TMEM163: variants seen among roughly 807,000 people sequenced by gnomAD.
TMEM163 encodes transmembrane protein 163.
A neutral mutation model predicts 29.3 loss-of-function variants in TMEM163; 17 were observed. The ratio of observed to expected loss-of-function variants is 0.58; its 90% CI spans 0.40 to 0.87. The LOEUF (loss-of-function observed/expected upper bound fraction) is 0.87, where lower values mean the gene tolerates loss of function less well. TMEM163 is among the 40% of genes least tolerant of loss of function. The pLI is 0.00. For synonymous variants in TMEM163, 157 were observed against 160.6 expected, an observed-to-expected ratio of 0.98 and a Z score of 0.17; for missense variants, 303 against 381.5, an observed-to-expected ratio of 0.79 and a Z score of 1.71.
At chr2:134,486,775 A>G (rs1449245928) in intron 5 of TMEM163, among the ~76,000 whole-genome samples, 3 of 152,224 alleles carry the variant, frequency 2.0e-5, no homozygotes, top group Non-Finnish European at 4.4e-5. Flanking sequence ...CTTTAGACCA[A>G]TGTTACTTAA....
In TMEM163 at chr2:134,466,183, A is replaced by C. The variant is rs764400746; in HGVS notation, c.598T>G (p.Cys200Gly). ...AACTTCAACACGGCCAGGATGCTGC[A>C]AAGAATCCCACTTAAAATGGAGACA... is the stretch of plus-strand genomic sequence containing the variant. ...FSVSILSGIL[C>G]SILAVLKFML... Residue 200 changes from cysteine (C) to glycine (G), a missense_variant, in exon 6 of 8, where the codon TGC becomes GGC. Cys to Gly is a radical substitution (Grantham distance 159). This residue lies in a region of TMEM163 where 203 missense variants were observed against 294.3 expected (regional missense o/e 0.69). Coordinates refer to ENST00000281924, the MANE Select transcript of TMEM163 (RefSeq NM_030923.5). The C allele has an allele frequency of 1.2e-6, 2 of 1,614,016 alleles. No homozygotes were observed. The highest frequency in any genetic ancestry group is 1.3e-5 in the African/African-American group (1 of 75,066).
intron 5 of TMEM163, chr2:134,467,365 A>G (rs1686694303): frequency 6.6e-6 from 1 of 152,208 alleles, no homozygotes; most frequent in African/African-American, 2.4e-5. Flanking sequence ...TAGCTTACCA[A>G]TGGAGAAACC....
At chr2:134,560,610 G>C (rs1011901851) in intron 2 of TMEM163, among the ~76,000 whole-genome samples, 7 of 152,188 alleles carry the variant, frequency 4.6e-5, no homozygotes, top group African/African-American at 1.7e-4. Flanking sequence ...TGAAGCATTT[G>C]CAAATGGCAA....
intron 2 of TMEM163, among the ~76,000 whole-genome samples, chr2:134,693,647 C>T (rs1025160240): frequency 1.4e-5 from 2 of 147,660 alleles, no homozygotes; most frequent in Non-Finnish European, 3.0e-5. Flanking sequence ...ACTGAGCCTA[C>T]AGCATGATGG....
intron 2 of TMEM163, among the ~76,000 whole-genome samples, chr2:134,632,843 C>T (rs144461427): frequency 0.016 from 2,367 of 149,372 alleles, 51 homozygotes; most frequent in African/African-American, 0.055. Flanking sequence ...CCCGGGTTCA[C>T]GCCATTCTCC....
intron 2 of TMEM163, among the ~76,000 whole-genome samples, chr2:134,606,233 C>G (rs1349270453): frequency 6.6e-6 from 1 of 152,080 alleles, no homozygotes; most frequent in Non-Finnish European, 1.5e-5. Context: ...GCACCTGCCC[C>G]CATGAATCCC....
intron 6 of TMEM163, among the ~76,000 whole-genome samples, chr2:134,461,376 G>A (rs1686531643): frequency 1.3e-5 from 2 of 152,322 alleles, no homozygotes; most frequent in South Asian, 4.1e-4. Flanking sequence ...GATATGAGCA[G>A]GAGAAAACAG....
chr2:134,596,742 T>C (rs1421292463), intron 2 of TMEM163, among the ~76,000 whole-genome samples: 2 of 152,138 alleles, frequency 1.3e-5, no homozygotes, highest in Non-Finnish European at 2.9e-5. Flanking sequence ...TTCCTATCCA[T>C]GAGCATGGAA....
chr2:134,664,369 T>C (rs1683826852), intron 2 of TMEM163, among the ~76,000 whole-genome samples: 1 of 152,120 alleles, frequency 6.6e-6, no homozygotes, highest in Admixed American at 6.5e-5. Flanking sequence ...AGCCCCAGGG[T>C]CTCTGATTCT....
intron 5 of TMEM163, among the ~76,000 whole-genome samples, chr2:134,479,180 G>A (rs1686987851): frequency 6.6e-6 from 1 of 152,198 alleles, no homozygotes; most frequent in African/African-American, 2.4e-5. Context: ...CCCAGTCTAT[G>A]GCATTCGGTG....
chr2:134,685,643 T>C (rs1360825915), intron 2 of TMEM163, among the ~76,000 whole-genome samples: 1 of 152,242 alleles, frequency 6.6e-6, no homozygotes, highest in African/African-American at 2.4e-5. Context: ...CAGCTCCTGC[T>C]TTCCCACTTG....
chr2:134,539,136 G>A (rs1018791049), intron 4 of TMEM163, among the ~76,000 whole-genome samples: 1 of 152,026 alleles, frequency 6.6e-6, no homozygotes, highest in East Asian at 1.9e-4. Flanking sequence ...TTCTTATAAC[G>A]ATCTTACAAA....
chr2:134,591,351 G>T (rs531716202), intron 2 of TMEM163, among the ~76,000 whole-genome samples: 3 of 152,036 alleles, frequency 2.0e-5, no homozygotes, highest in Admixed American at 6.5e-5. Context: ...GCTGGTGGGA[G>T]TGTAGCAGTG....
intron 2 of TMEM163, among the ~76,000 whole-genome samples, chr2:134,613,918 G>A (rs1558965050): frequency 6.6e-6 from 1 of 151,996 alleles, no homozygotes; most frequent in Non-Finnish European, 1.5e-5. Context: ...TTTATTTATA[G>A]GTCTAATTCA....
chr2:134,493,202 CT>C (rs1356029312), intron 5 of TMEM163, among the ~76,000 whole-genome samples: 1 of 151,840 alleles, frequency 6.6e-6, no homozygotes, highest in African/African-American at 2.4e-5. Context: ...CCTTCTTAAG[CT>C]ATTCTTTACA....
At position 134,718,873 on chromosome 2, in the gene TMEM163, GGGC is replaced by G; in HGVS notation, c.60_62del (p.Pro21del). The G allele has an allele frequency of 9.1e-7, 1 of 1,102,560 alleles. No individual in the cohort carries two copies. Among genetic ancestry groups the G allele is most frequent in the East Asian group, 5.5e-5 (1 of 18,232 alleles). The allele number at this position is 1,102,560 out of a possible 1,614,324, so 68.3% of individuals were successfully genotyped here. ...CGGCAGCCGGTGGCGCGTGGCCCCG[GGGC>G]GGCGGCGGGACGGTGGGCCCCTGGG... On this transcript the variant is annotated inframe_deletion, in exon 1 of 8. Coordinates refer to ENST00000281924, the MANE Select transcript of TMEM163 (RefSeq NM_030923.5).
chr2:134,519,294 G>C (rs1349943843), intron 4 of TMEM163, among the ~76,000 whole-genome samples: 2 of 152,116 alleles, frequency 1.3e-5, no homozygotes, highest in East Asian at 3.9e-4. Context: ...CCCTCTCTTG[G>C]GGCAGTCTTT....
At chr2:134,476,563 T>C (rs894304010) in intron 5 of TMEM163, among the ~76,000 whole-genome samples, 8 of 152,232 alleles carry the variant, frequency 5.3e-5, no homozygotes, top group African/African-American at 1.9e-4. Context: ...CTTATACACA[T>C]AAGCTGGTAT....
chr2:134,466,286 C>T, intron 5 of TMEM163, 61 bp from the exon 6 acceptor site: 3 of 1,382,324 alleles, frequency 2.2e-6, no homozygotes, highest in African/African-American at 1.4e-5. Flanking sequence ...TCATCTGCAA[C>T]CCACTTGCCT....
Sources: allele counts gnomAD v4.1 joint callset (sites outside exome capture counted in the v4.1 genomes callset), GRCh38; gene constraint gnomAD v4.1.1; regional missense constraint gnomAD v4.1.1; transcripts MANE v1.5; gene names NCBI Gene and HGNC (gene_info 2026-07-23, HGNC 2026-07-21).